The following CEP295 variants were observed in gnomAD, a reference collection of about 807,000 sequenced individuals.
The protein encoded by CEP295 is centrosomal protein 295.
A neutral mutation model predicts 291.6 loss-of-function variants in CEP295; 190 were observed. The observed-to-expected ratio is 0.65, with a 90% CI of 0.58 to 0.73. The LOEUF (loss-of-function observed/expected upper bound fraction) is 0.73, where lower values mean the gene tolerates loss of function less well. CEP295 is among the 30% of genes least tolerant of loss of function. CEP295 has a pLI of 0.00. For missense variants in CEP295, 2,863 were observed against 2,949.4 expected, an observed-to-expected ratio of 0.97 and a Z score of 0.68; for synonymous variants, 993 against 1,038.8, an observed-to-expected ratio of 0.96 and a Z score of 0.85.
chr11:93,714,816 T>C (rs991152382), intron 18 of CEP295, among the ~76,000 whole-genome samples: 5 of 152,058 alleles, frequency 3.3e-5, no homozygotes, highest in Admixed American at 6.5e-5. Flanking sequence ...TACCTTCCTG[T>C]CTCCCAAACA....
intron 19 of CEP295, chr11:93,721,723 T>C: frequency 1.4e-6 from 1 of 714,120 alleles, no homozygotes. Flanking sequence ...TTTATAAAGA[T>C]AACAGCTGTA....
At position 93,663,732 on chromosome 11, in the gene CEP295, C is replaced by T. The variant is rs553173919; in HGVS notation, c.-27+1958C>T. ...ACACAAGAAGAAACAGTTATTCTAT[C>T]GCATTTTAGGAGCTTAAAAATAATA... On this transcript the variant is annotated intron_variant, in intron 1 of 29. Transcript: ENST00000325212. 6.4e-4 allele frequency among the ~76,000 whole-genome samples: 97 copies of T among 152,216 alleles called. 1 individual carries two copies. Among genetic ancestry groups the T allele is most frequent in the Non-Finnish European group, 9.7e-4 (66 of 68,000 alleles).
chr11:93,695,659 T>G, intron 13 of CEP295, 25 bp downstream of exon 13: 1 of 1,476,322 alleles, frequency 6.8e-7, no homozygotes, highest in Non-Finnish European at 8.9e-7. Context: ...ATCTCATCAC[T>G]ACATAAATCA....
At chr11:93,691,405 T>A (rs1296655457) in intron 10 of CEP295, among the ~76,000 whole-genome samples, 1 of 152,248 alleles carries the variant, frequency 6.6e-6, no homozygotes, top group East Asian at 1.9e-4. Context: ...TTGTTTCCGC[T>A]CTTTTTATGC....
At chr11:93,680,374 G>A (rs1473247133) in intron 7 of CEP295, among the ~76,000 whole-genome samples, 2 of 152,238 alleles carry the variant, frequency 1.3e-5, no homozygotes, top group Admixed American at 6.5e-5. Flanking sequence ...GGAGGCCAAA[G>A]TGAGCAGATG....
intron 10 of CEP295, among the ~76,000 whole-genome samples, chr11:93,690,843 C>G (rs1442034968): frequency 2.0e-5 from 3 of 151,634 alleles, no homozygotes; most frequent in African/African-American, 7.3e-5. Flanking sequence ...ACTGATCTCT[C>G]AGTTTCTTGA....
chr11:93,727,530 G>T lies in CEP295; in HGVS notation c.7054G>T (p.Ala2352Ser). ...TQNEKYFENS[A>S]ETDIPKITKK... Reference sequence around the variant, plus strand: ...AAATGAAAAATATTTTGAGAATTCAGCTGAAACAGACATTCCAAAAATCAC... The same window carrying T: ...AAATGAAAAATATTTTGAGAATTCATCTGAAACAGACATTCCAAAAATCAC... The change falls in exon 24 of 30, where the codon GCT becomes TCT. Residue 2352 changes from alanine (A) to serine (S), a missense_variant. Ala to Ser is a moderately conservative substitution (Grantham distance 99). This residue lies in a region of CEP295 where 2,295 missense variants were observed against 2,335.7 expected (regional missense o/e 0.98). Coordinates refer to ENST00000325212, the MANE Select transcript of CEP295 (RefSeq NM_033395.2). The T allele has an allele frequency of 6.4e-7, 1 of 1,551,620 alleles. No individual in the cohort carries two copies. The highest frequency in any genetic ancestry group is 1.2e-5 in the South Asian group (1 of 84,052).
At chr11:93,689,121 G>T (rs982411463) in intron 10 of CEP295, among the ~76,000 whole-genome samples, 2 of 152,048 alleles carry the variant, frequency 1.3e-5, no homozygotes, top group African/African-American at 2.4e-5. Context: ...CATTTCCTAG[G>T]GTAGATTCTT....
At chr11:93,702,259 G>A (rs539462005) in intron 15 of CEP295, among the ~76,000 whole-genome samples, 2 of 152,190 alleles carry the variant, frequency 1.3e-5, no homozygotes, top group East Asian at 3.9e-4. Context: ...GCGCCTGGCC[G>A]AATGGTTGTA....
rs770621430 is a variant in CEP295 at position 93,729,412 on chromosome 11, C to T, written c.7303-22C>T. On this transcript the variant is annotated intron_variant, in intron 25 of 29. Transcript: ENST00000325212. ...CTTAAAGCGTTTAAAAAGAGTAAAA[C>T]ATGCAACTTTCTTGCCATTAGGTGA... 8.0e-6 allele frequency: 12 copies of T among 1,493,490 alleles called. No individual in the cohort carries two copies. In the East Asian group the frequency reaches 2.5e-4, roughly 31 times the overall value. 92.5% of individuals were successfully genotyped at this position (1,493,490 alleles called of 1,614,324 possible).
In CEP295 at chr11:93,697,201, A is replaced by G; in HGVS notation, c.2289A>G (p.Leu763=). Residue 763 remains leucine (L), a synonymous_variant, in exon 15 of 30, where the codon TTA becomes TTG. Coordinates refer to ENST00000325212, the MANE Select transcript of CEP295 (RefSeq NM_033395.2). The part of the protein sequence containing the change: ...ETFGATTFQS[L]ESQQLFSENS... ...TTGGGGCAACAACTTTTCAAAGTTT[A>G]GAATCCCAACAATTGTTCTCAGAGA... The G allele has an allele frequency of 6.4e-7, 1 of 1,551,866 alleles. No homozygotes were observed. The highest frequency in any genetic ancestry group is 8.7e-7 in the Non-Finnish European group (1 of 1,147,020).
At position 93,699,202 on chromosome 11, in the gene CEP295, A is replaced by G; in HGVS notation, c.4290A>G (p.Ser1430=). ...TTAACAGTGATAATATAGTATCCTC[A>G]GGTCACTCAGAGATACCAACATTGC... is the stretch of plus-strand genomic sequence containing the variant. ...CSINSDNIVS[S]GHSEIPTLPD... The change falls in exon 15 of 30, where the codon TCA becomes TCG. Residue 1430 remains serine (S), a synonymous_variant. Coordinates refer to ENST00000325212, the MANE Select transcript of CEP295 (RefSeq NM_033395.2). 6.4e-7 allele frequency: 1 copy of G among 1,551,928 alleles called. No homozygotes were observed.
Position 93,713,785 on chromosome 11 carries a change from G to A in CEP295, c.5749+6888G>A, listed in dbSNP as rs186640190. 4.8e-3 allele frequency among the ~76,000 whole-genome samples: 727 copies of A among 152,210 alleles called. 6 individuals are homozygous for A. The highest frequency in any genetic ancestry group is 0.016 in the African/African-American group (648 of 41,522). On this transcript the variant is annotated intron_variant, in intron 18 of 29. Transcript: ENST00000325212. ...TCTCTCTACCTTCTCTTTAAGGCCA[G>A]TAGCTCATAGATTTACCCTTTTAAA...
intron 17 of CEP295, among the ~76,000 whole-genome samples, chr11:93,704,573 T>G (rs1405257334): frequency 6.6e-6 from 1 of 152,090 alleles, no homozygotes; most frequent in African/African-American, 2.4e-5. Context: ...GACCCCTAGG[T>G]AGGTGAACTA....
In CEP295 at chr11:93,727,054, T is replaced by C; in HGVS notation, c.6578T>C (p.Ile2193Thr). 6.4e-7 allele frequency: 1 copy of C among 1,551,678 alleles called. No individual in the cohort carries two copies. Among genetic ancestry groups the C allele is most frequent in the Non-Finnish European group, 8.7e-7 (1 of 1,146,750 alleles). The change falls in exon 24 of 30, where the codon ATT becomes ACT. Residue 2193 changes from isoleucine (I) to threonine (T), a missense_variant. By Grantham distance (89) the Ile-to-Thr change is moderately conservative. Around this residue, in one of 3 missense-constraint regions of CEP295, gnomAD observed 2,295 missense variants for 2,335.7 expected, o/e 0.98. Coordinates refer to ENST00000325212, the MANE Select transcript of CEP295 (RefSeq NM_033395.2). ...AGCCAGCATGCTGATCTACCAAGTA[T>C]TTTTAGCATTGAAGCAAGAGATTCT... ...EESQHADLPS[I>T]FSIEARDSSQ...
At chr11:93,720,542 A>C (rs574779335) in intron 18 of CEP295, among the ~76,000 whole-genome samples, 1 of 152,106 alleles carries the variant, frequency 6.6e-6, no homozygotes, top group South Asian at 2.1e-4. Flanking sequence ...AAGGTACAGT[A>C]CAAGTAAAAA....
Position 93,697,419 on chromosome 11 carries a change from C to T in CEP295, c.2507C>T (p.Pro836Leu), listed in dbSNP as rs1338520540. 5 of 1,552,156 alleles carry T rather than the reference C, an allele frequency of 3.2e-6. No individual in the cohort carries two copies. The highest frequency in any genetic ancestry group is 1.2e-5 in the South Asian group (1 of 84,064). ...CAAATGCATGATAGGCCTTTGCTGC[C>T]GTCAGAGAATATCACAGCCCAGCAA... The part of the protein sequence containing the change: ...ISQMHDRPLL[P>L]SENITAQQGN... Residue 836 changes from proline to leucine, a missense_variant, in exon 15 of 30, where the codon CCG (proline) becomes CTG (leucine). Physicochemically the swap from Pro to Leu is moderately conservative, Grantham distance 98. Around this residue, in one of 3 missense-constraint regions of CEP295, gnomAD observed 2,295 missense variants for 2,335.7 expected, o/e 0.98. Coordinates refer to ENST00000325212, the MANE Select transcript of CEP295 (RefSeq NM_033395.2).
rs1397226421 is a variant in CEP295 at position 93,728,824 on chromosome 11, A to G, written c.7302+3A>G. ...ATGAAGCAAAATGCTTCTTTCAGGT[A>G]AATTTAAGCTTTCCTTCTATTTTAT... On this transcript the variant is annotated splice_donor_region_variant and intron_variant, in intron 25 of 29. Coordinates refer to ENST00000325212, the MANE Select transcript of CEP295 (RefSeq NM_033395.2). 5 of 1,534,052 alleles carry G rather than the reference A, an allele frequency of 3.3e-6. No homozygotes were observed. The highest frequency in any genetic ancestry group is 4.4e-6 in the Non-Finnish European group (5 of 1,142,708).
At chr11:93,681,403 AT>A (rs71064773) in intron 7 of CEP295, among the ~76,000 whole-genome samples, 152 of 36,480 alleles carry the variant, frequency 4.2e-3, no homozygotes, top group African/African-American at 0.018. Context: ...CACCCAGCTA[AT>A]TTTTTTTTTT....
Sources: gnomAD v4.1 joint callset for allele counts (sites outside exome capture counted in the v4.1 genomes callset) on GRCh38, gnomAD v4.1.1 for gene constraint, gnomAD v4.1.1 regional missense constraint, MANE v1.5 for transcripts, NCBI Gene and HGNC (gene_info 2026-07-23, HGNC 2026-07-21) for gene names.